NKAIN3: variants seen among roughly 807,000 people sequenced by gnomAD.
The protein encoded by NKAIN3 is sodium/potassium transporting ATPase interacting 3.
Under a neutral mutation model 30.2 loss-of-function variants are expected in NKAIN3, and 25 were observed. The observed-to-expected ratio is 0.83, with a 90% CI of 0.60 to 1.16. The LOEUF (loss-of-function observed/expected upper bound fraction) is 1.16, where lower values mean the gene tolerates loss of function less well. Among genes scored for constraint, NKAIN3 ranks in the 50% most tolerant of loss-of-function variants. The pLI is 0.00. For synonymous variants in NKAIN3, 91 were observed against 89.6 expected, an observed-to-expected ratio of 1.02 and a Z score of -0.09; for missense variants, 225 against 254.1, an observed-to-expected ratio of 0.89 and a Z score of 0.78.
chr8:62,663,920 C>G (rs185090191), intron 3 of NKAIN3, among the ~76,000 whole-genome samples: 2 of 152,222 alleles, frequency 1.3e-5, no homozygotes, highest in East Asian at 3.9e-4. Context: ...TATGGAGCTT[C>G]CTGCATAACC....
intron 2 of NKAIN3, among the ~76,000 whole-genome samples, chr8:62,582,564 A>G (rs999164534): frequency 6.6e-6 from 1 of 152,044 alleles, no homozygotes; most frequent in African/African-American, 2.4e-5. Flanking sequence ...GTATGAGACA[A>G]GTGTGAGAGT....
rs147093901 is a variant in NKAIN3, at chr8:62,405,032, T to C, written c.54+155905T>C. Among the ~76,000 whole-genome samples, 689 of 152,126 alleles carry C rather than the reference T, an allele frequency of 4.5e-3. 6 individuals carry two copies. Among genetic ancestry groups the C allele is most frequent in the African/African-American group, 0.016 (653 of 41,502 alleles). Reference sequence around the variant, plus strand: ...GGAAGAGGGTTTCCTCCCACCCTAGTGTATGTTTGGAAATGTCACTGGAAG... The same window carrying C: ...GGAAGAGGGTTTCCTCCCACCCTAGCGTATGTTTGGAAATGTCACTGGAAG... On this transcript the variant is annotated intron_variant, in intron 1 of 6. Coordinates refer to ENST00000623646, the MANE Select transcript of NKAIN3 (RefSeq NM_001304533.3).
Position 62,264,773 on chromosome 8 carries a change from G to C in NKAIN3, c.54+15646G>C, listed in dbSNP as rs769680888. Among the ~76,000 whole-genome samples the C allele has an allele frequency of 2.0e-5, 3 of 152,122 alleles. No individual in the cohort carries two copies. In the South Asian group the frequency reaches 6.2e-4, roughly 32 times the overall value. ...CAGGACCCTAGCTGCAGCTTGATCT[G>C]TCCAGCTGTCCATTGTGATGGTAAA... On this transcript the variant is annotated intron_variant, in intron 1 of 6. Transcript: ENST00000623646.
At chr8:62,741,266 C>G (rs1182947321) in intron 3 of NKAIN3, among the ~76,000 whole-genome samples, 2 of 151,526 alleles carry the variant, frequency 1.3e-5, no homozygotes, top group Non-Finnish European at 2.9e-5. Flanking sequence ...ATATGCCATT[C>G]TGGCATATTG....
At chr8:62,751,317 G>A (rs902217171) in intron 4 of NKAIN3, among the ~76,000 whole-genome samples, 1 of 152,110 alleles carries the variant, frequency 6.6e-6, no homozygotes, top group African/African-American at 2.4e-5. Flanking sequence ...TTGTTAAGTA[G>A]TTAATACATA....
At chr8:62,665,976 G>A (rs978425170) in intron 3 of NKAIN3, among the ~76,000 whole-genome samples, 1 of 152,322 alleles carries the variant, frequency 6.6e-6, no homozygotes, top group Admixed American at 6.5e-5. Context: ...ACCAGTTTGG[G>A]AGGCTGAGGC....
At chr8:62,870,295 T>TAG (rs1820584479) in intron 4 of NKAIN3, among the ~76,000 whole-genome samples, 3 of 90,502 alleles carry the variant, frequency 3.3e-5, no homozygotes, top group South Asian at 3.4e-4. Context: ...TCTATAGATA[T>TAG]ATATACATCT....
At chr8:62,865,507 C>T (rs1820389418) in intron 4 of NKAIN3, among the ~76,000 whole-genome samples, 1 of 151,998 alleles carries the variant, frequency 6.6e-6, no homozygotes, top group Non-Finnish European at 1.5e-5. Context: ...TTTGACTTCC[C>T]TTAGTGGTTT....
At chr8:62,849,046 C>G (rs1819779267) in intron 4 of NKAIN3, among the ~76,000 whole-genome samples, 2 of 152,104 alleles carry the variant, frequency 1.3e-5, no homozygotes, top group Non-Finnish European at 2.9e-5. Flanking sequence ...TTTTGATGTG[C>G]TACTGGATTC....
At chr8:62,575,251 A>G (rs1585966261) in intron 1 of NKAIN3, among the ~76,000 whole-genome samples, 1 of 152,134 alleles carries the variant, frequency 6.6e-6, no homozygotes, top group African/African-American at 2.4e-5. Flanking sequence ...ATAAGAACTG[A>G]CAAACAAATT....
At chr8:62,987,144 T>C (rs927217187), downstream of NKAIN3, among the ~76,000 whole-genome samples, 1 of 152,148 alleles carries the variant, frequency 6.6e-6, no homozygotes, top group Non-Finnish European at 1.5e-5. Flanking sequence ...CCCAGCACTT[T>C]GGGAGGCCGA....
intron 3 of NKAIN3, among the ~76,000 whole-genome samples, chr8:62,677,566 A>G (rs1041216853): frequency 2.0e-5 from 3 of 152,204 alleles, no homozygotes; most frequent in African/African-American, 7.2e-5. Context: ...CTGTGTCCTC[A>G]GGGTCCACTT....
At position 62,319,768 on chromosome 8, in the gene NKAIN3, G is replaced by A. The variant is rs547722641; in HGVS notation, c.54+70641G>A. Among the ~76,000 whole-genome samples, 17 of 152,202 alleles carry A rather than the reference G, an allele frequency of 1.1e-4. No homozygotes were observed. The East Asian group carries it at 2.5e-3, about 23-fold the overall frequency. On this transcript the variant is annotated intron_variant, in intron 1 of 6. Transcript: ENST00000623646. ...TACTTCCAACTATGTGGCCAATTTTGGAATAAGTGCAGTGTGGTGCTGAGA... is the reference window on the plus strand; with the variant it reads ...TACTTCCAACTATGTGGCCAATTTTAGAATAAGTGCAGTGTGGTGCTGAGA...
In NKAIN3 at chr8:62,967,405, TA is replaced by T. The variant is rs974795255; in HGVS notation, c.*2005del. Among the ~76,000 whole-genome samples, 40 of 152,002 alleles carry T rather than the reference TA, an allele frequency of 2.6e-4. No individual in the cohort carries two copies. The highest frequency in any genetic ancestry group is 4.7e-4 in the Non-Finnish European group (32 of 68,008). ...TGAGGTGAGAATTTAACGAAAAATG[TA>T]AAAAAATTCTCAGTACACAGTGAAG... On this transcript the variant is annotated 3_prime_UTR_variant, in exon 7 of 7. Transcript: ENST00000623646.
intron 5 of NKAIN3, among the ~76,000 whole-genome samples, chr8:62,991,637 G>A (rs1289010229): frequency 6.6e-6 from 1 of 152,180 alleles, no homozygotes; most frequent in East Asian, 1.9e-4. Context: ...TGTTTTCAGA[G>A]TGTTTTTCTG....
chr8:62,423,427 A>T (rs574605546), intron 1 of NKAIN3, among the ~76,000 whole-genome samples: 1 of 147,450 alleles, frequency 6.8e-6, no homozygotes, highest in Non-Finnish European at 1.5e-5. Flanking sequence ...CATTCATATT[A>T]TATATATATA....
chr8:62,589,694 C>T lies in NKAIN3; in HGVS notation c.193-20C>T. The T allele has an allele frequency of 5.7e-6, 7 of 1,229,424 alleles. No individual in the cohort carries two copies. The highest frequency in any genetic ancestry group is 8.2e-6 in the Non-Finnish European group (7 of 853,496). 76.2% of individuals were successfully genotyped at this position (1,229,424 alleles called of 1,614,324 possible). A position where few individuals can be genotyped will look rare whatever the true frequency, so the allele number is the denominator to read the frequency against. The stretch of plus-strand genomic sequence containing the variant: ...TCTCCATATTTTTCTTCTCTTTCTC[C>T]CTCCCCCATTTCTATCTAGTATACA... On this transcript the variant is annotated intron_variant, in intron 2 of 6. Transcript: ENST00000623646.
At chr8:62,409,365 G>A (rs1319950831) in intron 1 of NKAIN3, among the ~76,000 whole-genome samples, 1 of 152,066 alleles carries the variant, frequency 6.6e-6, no homozygotes, top group Non-Finnish European at 1.5e-5. Flanking sequence ...TGTATTTTTA[G>A]TAGAGATGGG....
At chr8:62,820,497 C>T (rs111948158) in intron 4 of NKAIN3, among the ~76,000 whole-genome samples, 1 of 152,116 alleles carries the variant, frequency 6.6e-6, no homozygotes, top group South Asian at 2.1e-4. Flanking sequence ...GGAGGGAGGA[C>T]GTAATGAGCA....
Sources: allele counts gnomAD v4.1 joint callset (sites outside exome capture counted in the v4.1 genomes callset), GRCh38; gene constraint gnomAD v4.1.1; transcripts MANE v1.5; gene names NCBI Gene and HGNC (gene_info 2026-07-23, HGNC 2026-07-21).